The following NALCN variants were observed in gnomAD, a reference collection of about 807,000 sequenced individuals.
NALCN encodes sodium leak channel NALCN.
In NALCN, 111 loss-of-function variants were observed where a neutral mutation model predicts 225.3. That is an observed-to-expected ratio of 0.49 (90% CI 0.42 to 0.58). NALCN has a LOEUF of 0.58. NALCN is among the 20% of genes least tolerant of loss of function. The pLI, the probability that NALCN is intolerant of heterozygous loss-of-function variation, is 0.00. For missense variants in NALCN, 1,378 were observed against 2,202.4 expected (o/e 0.63, Z 7.49); for synonymous variants, 764 against 769.0 (o/e 0.99, Z 0.11).
intron 17 of NALCN, among the ~76,000 whole-genome samples, chr13:101,137,330 C>T (rs652498): frequency 0.071 from 10,857 of 152,056 alleles, 498 homozygotes; most frequent in African/African-American, 0.14. Flanking sequence ...GACCAAAAGC[C>T]CTAAAAATGA....
At position 101,078,512 on chromosome 13, in the gene NALCN, G is replaced by T. The variant is rs550134241; in HGVS notation, c.3886-2571C>A. Among the ~76,000 whole-genome samples the T allele has an allele frequency of 3.9e-5, 6 of 152,172 alleles. No homozygotes were observed. In the South Asian group the frequency reaches 1.0e-3, roughly 26 times the overall value. On this transcript the variant is annotated intron_variant, in intron 34 of 43. Transcript: ENST00000251127. Reference sequence around the variant, plus strand: ...TTATTTTGGAACTTTAATGTTTAATGACTGCCCTATTGGATTTTGGACTTG... The same window carrying T: ...TTATTTTGGAACTTTAATGTTTAATTACTGCCCTATTGGATTTTGGACTTG...
chr13:101,337,062 C>G (rs1008658951), intron 7 of NALCN, among the ~76,000 whole-genome samples: 1 of 152,018 alleles, frequency 6.6e-6, no homozygotes, highest in Admixed American at 6.6e-5. Flanking sequence ...TAATCCTTGC[C>G]CAGATGTTTA....
intron 15 of NALCN, among the ~76,000 whole-genome samples, chr13:101,145,789 C>T (rs756695127): frequency 9.2e-5 from 14 of 152,116 alleles, no homozygotes; most frequent in Admixed American, 2.0e-4. Flanking sequence ...TCTTCTGTCC[C>T]GGCTTCCCAA....
At chr13:101,374,514 T>G (rs2046632431) in intron 6 of NALCN, among the ~76,000 whole-genome samples, 1 of 152,140 alleles carries the variant, frequency 6.6e-6, no homozygotes, top group Non-Finnish European at 1.5e-5. Context: ...CTGGAACTCC[T>G]GACCTCAGGT....
chr13:101,107,455 C>T, intron 22 of NALCN, 32 bp downstream of exon 22: 1 of 1,613,416 alleles, frequency 6.2e-7, no homozygotes, highest in Non-Finnish European at 8.5e-7. Flanking sequence ...ATGGCTCAGG[C>T]CAAACACCTG....
At chr13:101,179,310 C>A (rs922425308) in intron 14 of NALCN, among the ~76,000 whole-genome samples, 52 of 140,554 alleles carry the variant, frequency 3.7e-4, no homozygotes, top group African/African-American at 1.2e-3. Context: ...CAACAAATTG[C>A]AGCTTTTTTT....
chr13:101,072,080 CA>C (rs200585098), intron 37 of NALCN, among the ~76,000 whole-genome samples: 28 of 151,470 alleles, frequency 1.8e-4, no homozygotes, highest in African/African-American at 3.4e-4. Flanking sequence ...TGGCACCCCT[CA>C]AAAAAAACTA....
intron 11 of NALCN, among the ~76,000 whole-genome samples, chr13:101,249,388 C>T (rs1404086756): frequency 2.6e-5 from 4 of 152,046 alleles, no homozygotes; most frequent in African/African-American, 9.7e-5. Flanking sequence ...CATTCTTTCA[C>T]AGAAGAGAAA....
chr13:101,328,684 T>C (rs967840166), intron 7 of NALCN, among the ~76,000 whole-genome samples: 4 of 152,194 alleles, frequency 2.6e-5, no homozygotes, highest in Non-Finnish European at 5.9e-5. Flanking sequence ...AAGATAATTA[T>C]AATCAGTTAA....
intron 14 of NALCN, among the ~76,000 whole-genome samples, chr13:101,182,678 G>A (rs944867321): frequency 6.6e-6 from 1 of 152,042 alleles, no homozygotes; most frequent in Non-Finnish European, 1.5e-5. Context: ...ACTGTCCCTG[G>A]CATGTAGGGC....
In NALCN at chr13:101,281,814, CA is replaced by C. The variant is rs1402026741; in HGVS notation, c.1134+2118del. Among the ~76,000 whole-genome samples the C allele has an allele frequency of 2.6e-5, 4 of 152,022 alleles. No individual in the cohort carries two copies. The East Asian group carries it at 7.7e-4, about 29-fold the overall frequency. On this transcript the variant is annotated intron_variant, in intron 10 of 43. Transcript: ENST00000251127. ...CCAAACTAAAAAACAAAAACAAACA[CA>C]AAATGCAAATAATCTGATTATAAAT...
chr13:101,193,264 G>A (rs980319049), intron 13 of NALCN, among the ~76,000 whole-genome samples: 5 of 152,118 alleles, frequency 3.3e-5, no homozygotes, highest in African/African-American at 1.2e-4. Context: ...ATTCAGTGAA[G>A]TCTACCCAGG....
intron 14 of NALCN, chr13:101,181,002 A>C (rs2039191022): frequency 2.2e-6 from 1 of 460,660 alleles, no homozygotes; most frequent in Middle Eastern, 4.1e-4. Context: ...CCCATCATAA[A>C]TTCACACATT....
At chr13:101,340,034 G>A (rs144539206) in intron 7 of NALCN, among the ~76,000 whole-genome samples, 1,682 of 150,626 alleles carry the variant, frequency 0.011, 31 homozygotes, top group African/African-American at 0.038. Flanking sequence ...TTTGGAGGCC[G>A]AGGCGGGTGG....
intron 28 of NALCN, among the ~76,000 whole-genome samples, chr13:101,092,025 C>T (rs553528768): frequency 5.9e-5 from 9 of 152,272 alleles, no homozygotes; most frequent in South Asian, 2.1e-4. Flanking sequence ...AAGTTTGAAA[C>T]TTTACCTGTA....
rs768228331 is a variant in NALCN at position 101,095,547 on chromosome 13, C to T, written c.3269+27G>A. ...TTATACTGACAAACACACCATTCTT[C>T]AGAATATTTTTTTATGATATACTTA... On this transcript the variant is annotated intron_variant, in intron 28 of 43. Coordinates refer to ENST00000251127, the MANE Select transcript of NALCN (RefSeq NM_052867.4). 3 of 1,560,138 alleles carry T rather than the reference C, an allele frequency of 1.9e-6. No individual in the cohort carries two copies. In the South Asian group the frequency reaches 3.4e-5, roughly 18 times the overall value.
chr13:101,088,822 T>C (rs2034062383), intron 30 of NALCN, among the ~76,000 whole-genome samples: 1 of 152,226 alleles, frequency 6.6e-6, no homozygotes, highest in South Asian at 2.1e-4. Flanking sequence ...TTCTAATCAT[T>C]AGAGCTGTTA....
intron 1 of NALCN, among the ~76,000 whole-genome samples, chr13:101,407,011 C>T (rs2047643742): frequency 6.6e-6 from 1 of 152,078 alleles, no homozygotes; most frequent in Non-Finnish European, 1.5e-5. Flanking sequence ...TGATACATGG[C>T]TAAAAGAATG....
chr13:101,255,714 T>C (rs1267519437), intron 11 of NALCN, among the ~76,000 whole-genome samples: 1 of 152,182 alleles, frequency 6.6e-6, no homozygotes, highest in Non-Finnish European at 1.5e-5. Context: ...CTACGTTAAA[T>C]AATGTCCTCT....
Sources: gnomAD v4.1 joint callset for allele counts (sites outside exome capture counted in the v4.1 genomes callset) on GRCh38, gnomAD v4.1.1 for gene constraint, MANE v1.5 for transcripts, NCBI Gene and HGNC (gene_info 2026-07-23, HGNC 2026-07-21) for gene names.